The following LILRB2 variants were observed in gnomAD, a reference collection of about 807,000 sequenced individuals.
The protein encoded by LILRB2 is leukocyte immunoglobulin like receptor B2, also known as leukocyte immunoglobulin-like receptor subfamily B member 2.
LILRB2 carries 47 observed loss-of-function variants against 72.7 expected under a neutral mutation model. The ratio of observed to expected loss-of-function variants is 0.65; its 90% CI spans 0.51 to 0.82. LILRB2 has a LOEUF of 0.82. Ranked by LOEUF, LILRB2 falls within the 40% of genes least tolerant of loss-of-function variation. The pLI, the probability that LILRB2 is intolerant of heterozygous loss-of-function variation, is 0.00. For missense variants in LILRB2, 767 were observed against 764.8 expected (o/e 1.00, Z -0.03); for synonymous variants, 279 against 313.7 (o/e 0.89, Z 1.17).
chr19:54,277,526 T>G (rs772899864), intron 9 of LILRB2, 24 bp downstream of exon 9: 87 of 1,532,472 alleles, frequency 5.7e-5, no homozygotes, highest in Non-Finnish European at 6.9e-5. Context: ...CCCGCCCACC[T>G]CCCACTCAGA....
chr19:54,279,239 C>A, intron 5 of LILRB2, 106 bp downstream of exon 5: 1 of 1,540,828 alleles, frequency 6.5e-7, no homozygotes, highest in South Asian at 1.3e-5. Flanking sequence ...GCCCTCTCGC[C>A]CCAACATCAT....
Position 54,274,616 on chromosome 19 carries a change from C to A in LILRB2, c.*67G>T. ...GGGGTTCATTGGTGTCCACTGGGGGCAGCTCCCGTGCCTTCAGCAGTCCTG... is the reference window on the plus strand; with the variant it reads ...GGGGTTCATTGGTGTCCACTGGGGGAAGCTCCCGTGCCTTCAGCAGTCCTG... On this transcript the variant is annotated 3_prime_UTR_variant, in exon 14 of 14. Transcript: ENST00000314446. 6.2e-7 allele frequency: 1 copy of A among 1,610,460 alleles called. No individual in the cohort carries two copies. The highest frequency in any genetic ancestry group is 8.5e-7 in the Non-Finnish European group (1 of 1,177,494).
rs775432442 is a variant in LILRB2 at position 54,278,411 on chromosome 19, T to C, written c.1107A>G (p.Arg369=). The C allele has an allele frequency of 6.2e-7, 1 of 1,614,190 alleles. No individual in the cohort carries two copies. Among genetic ancestry groups the C allele is most frequent in the South Asian group, 1.1e-5 (1 of 91,092 alleles). ...AGAADAPLRL[R]SIHEYPKYQA... ...GGTACTTAGGATATTCGTGTATTGA[T>C]CTTAGACGGAGTGGGGCATCAGCTG... Residue 369 remains arginine, a synonymous_variant, in exon 7 of 14, where the codon AGA becomes AGG. Transcript: ENST00000314446.
chr19:54,274,710 G>A lies in LILRB2; in HGVS notation c.1767C>T (p.Ser589=). 1 of 1,613,918 alleles carries A rather than the reference G, an allele frequency of 6.2e-7. No homozygotes were observed. Among genetic ancestry groups the A allele is most frequent in the Non-Finnish European group, 8.5e-7 (1 of 1,180,018 alleles). Residue 589 remains serine (S), a synonymous_variant, in exon 14 of 14, where the codon AGC becomes AGT. Coordinates refer to ENST00000314446, the MANE Select transcript of LILRB2 (RefSeq NM_001080978.4). ...AGTGGATGGCCAGGGTGGCGTAGAT[G>A]CTGGGCTCAGCTGGAGGTTCCCTTT... is the stretch of plus-strand genomic sequence containing the variant. The part of the protein sequence containing the change: ...SQEREPPAEP[S]IYATLAIH
intron 10 of LILRB2, 149 bp downstream of exon 10, chr19:54,276,658 G>T (rs2080243418): frequency 6.8e-7 from 1 of 1,465,152 alleles, no homozygotes; most frequent in South Asian, 1.3e-5. Context: ...TTGTAGATGG[G>T]ACTGACGTTA....
rs2147786161 is a variant in LILRB2, at chr19:54,279,561, C to G, written c.442G>C (p.Val148Leu). 2 of 1,614,166 alleles carry G rather than the reference C, an allele frequency of 1.2e-6. No individual in the cohort carries two copies. Among genetic ancestry groups the G allele is most frequent in the East Asian group, 4.5e-5 (2 of 44,882 alleles). The change falls in exon 5 of 14, where the codon GTG becomes CTG. Residue 148 changes from valine (V) to leucine (L), a missense_variant. This residue lies in a region of LILRB2 where 599 missense variants were observed against 568.2 expected (regional missense o/e 1.05). Transcript: ENST00000314446. ...CACAGAATGAAGCCGCCAAATGCCACCTGTGACTCACACTGGAGGGTCACC... is the reference window on the plus strand; with the variant it reads ...CACAGAATGAAGCCGCCAAATGCCAGCTGTGACTCACACTGGAGGGTCACC... Reference protein sequence around the residue: ...GRVTLQCESQVAFGGFILCKE... With the variant: ...GRVTLQCESQLAFGGFILCKE...
At chr19:54,279,753 G>T (rs756036117) in intron 4 of LILRB2, 38 bp downstream of exon 4, 1 of 1,611,982 alleles carries the variant, frequency 6.2e-7, no homozygotes, top group Non-Finnish European at 8.5e-7. Context: ...CTTCCTGAGG[G>T]CAGAGCCTGG....
intron 1 of LILRB2, 56 bp from the exon 2 acceptor site, chr19:54,280,600 T>C: frequency 3.8e-6 from 6 of 1,564,848 alleles, no homozygotes; most frequent in Non-Finnish European, 5.3e-6. Context: ...CCACCCTGTG[T>C]GGACACTCAG....
chr19:54,276,963 G>A (rs2080261466), intron 9 of LILRB2, 34 bp from the exon 10 acceptor site: 2 of 1,599,260 alleles, frequency 1.3e-6, no homozygotes, highest in Admixed American at 3.5e-5. Context: ...TGGGGGTGAT[G>A]TCATTGAAAT....
Position 54,274,345 on chromosome 19 carries a change from CT to C in LILRB2, c.*337del. 4.6e-6 allele frequency: 1 copy of C among 215,076 alleles called. No individual in the cohort carries two copies. The highest frequency in any genetic ancestry group is 9.0e-6 in the Non-Finnish European group (1 of 111,406). 13.3% of individuals were successfully genotyped at this position (215,076 alleles called of 1,614,324 possible). On this transcript the variant is annotated 3_prime_UTR_variant, in exon 14 of 14. Transcript: ENST00000314446. The stretch of plus-strand genomic sequence containing the variant: ...TCCTAGTTTTTTTTTTTCGTTTCTA[CT>C]TTTTTCATTTGTGGTTTGTACTTTT...
intron 9 of LILRB2, chr19:54,277,347 C>T: frequency 8.4e-7 from 1 of 1,196,500 alleles, no homozygotes; most frequent in Non-Finnish European, 1.2e-6. Context: ...GCCTCCTCTC[C>T]CAGGAGGTCA....
intron 6 of LILRB2, 58 bp downstream of exon 6, chr19:54,278,754 C>G: frequency 6.4e-7 from 1 of 1,557,926 alleles, no homozygotes; most frequent in Non-Finnish European, 8.7e-7. Context: ...TAATTGGATT[C>G]CCCCGGCAGG....
rs2080130090 is a variant in LILRB2, at chr19:54,274,640, T to C, written c.*43A>G. The C allele has an allele frequency of 6.2e-7, 1 of 1,613,696 alleles. No homozygotes were observed. The highest frequency in any genetic ancestry group is 1.3e-5 in the African/African-American group (1 of 74,916). Reference sequence around the variant, plus strand: ...GCAGCTCCCGTGCCTTCAGCAGTCCTGAGTCTCCTTCTACTGAGTGTGGAG... The same window carrying C: ...GCAGCTCCCGTGCCTTCAGCAGTCCCGAGTCTCCTTCTACTGAGTGTGGAG... On this transcript the variant is annotated 3_prime_UTR_variant, in exon 14 of 14. Coordinates refer to ENST00000314446, the MANE Select transcript of LILRB2 (RefSeq NM_001080978.4).
chr19:54,277,789 C>G, intron 8 of LILRB2, 100 bp downstream of exon 8: 1 of 1,330,288 alleles, frequency 7.5e-7, no homozygotes, highest in Non-Finnish European at 1.1e-6. Flanking sequence ...GGACAGAAGC[C>G]CTTGATTGAG....
intron 2 of LILRB2, 49 bp from the exon 3 acceptor site, chr19:54,280,348 G>T (rs891407089): frequency 8.7e-6 from 14 of 1,614,064 alleles, no homozygotes; most frequent in African/African-American, 1.3e-5. Flanking sequence ...GCCTGAGCAG[G>T]TCCTCCCCTC....
Position 54,281,027 on chromosome 19 carries a change from C to T in LILRB2, c.-115G>A. The T allele has an allele frequency of 9.0e-6, 6 of 668,646 alleles. No homozygotes were observed. Among genetic ancestry groups the T allele is most frequent in the Non-Finnish European group, 1.4e-5 (6 of 419,214 alleles). The allele number at this position is 668,646 out of a possible 1,614,324, so 41.4% of individuals were successfully genotyped here. ...GACCCAGGTCCATGCTGCAGGCAGA[C>T]TCAGATCAGCAGAGAAGCATCTCGC... On this transcript the variant is annotated 5_prime_UTR_variant, in exon 1 of 14. Coordinates refer to ENST00000314446, the MANE Select transcript of LILRB2 (RefSeq NM_001080978.4).
Position 54,276,684 on chromosome 19 carries a change from C to A in LILRB2, c.1480+123G>T, listed in dbSNP as rs7245987. ...ACTGACGTTAAGTGCTTTCTCCATTCACCTGGTGAGAAATGCTGGAACAGT... is the reference window on the plus strand; with the variant it reads ...ACTGACGTTAAGTGCTTTCTCCATTAACCTGGTGAGAAATGCTGGAACAGT... On this transcript the variant is annotated intron_variant, in intron 10 of 13. Coordinates refer to ENST00000314446, the MANE Select transcript of LILRB2 (RefSeq NM_001080978.4). 1.1e-5 allele frequency: 16 copies of A among 1,516,396 alleles called. No homozygotes were observed. In the South Asian group the frequency reaches 1.9e-4, roughly 18 times the overall value. The allele number at this position is 1,516,396 out of a possible 1,614,324, so 93.9% of individuals were successfully genotyped here. A position where few individuals can be genotyped will look rare whatever the true frequency, so the allele number is the denominator to read the frequency against.
chr19:54,276,036 G>A (rs2080205236), intron 12 of LILRB2, 33 bp from the exon 13 acceptor site: 1 of 1,611,214 alleles, frequency 6.2e-7, no homozygotes, highest in Non-Finnish European at 8.5e-7. Flanking sequence ...TCGTCTCTTG[G>A]GAAGGTTCCC....
At position 54,278,366 on chromosome 19, in the gene LILRB2, A is replaced by T; in HGVS notation, c.1152T>A (p.Ser384Arg). The change falls in exon 7 of 14, where the codon AGT becomes AGA. Residue 384 changes from serine (S) to arginine (R), a missense_variant. By Grantham distance (110) the Ser-to-Arg change is moderately radical (BLOSUM62 -1). Transcript: ENST00000314446. ...TCCCCGCGTGGGCTGAGGTCACAGG[A>T]CTCATGGGGAATTCAGCCTGGTACT... ...YPKYQAEFPM[S>R]PVTSAHAGTY... The T allele has an allele frequency of 6.2e-7, 1 of 1,614,116 alleles. No homozygotes were observed. The highest frequency in any genetic ancestry group is 8.5e-7 in the Non-Finnish European group (1 of 1,180,000).
Sources: gnomAD v4.1 joint callset for allele counts on GRCh38, gnomAD v4.1.1 for gene constraint, gnomAD v4.1.1 regional missense constraint, MANE v1.5 for transcripts, NCBI Gene and HGNC (gene_info 2026-07-23, HGNC 2026-07-21) for gene names.